The following NSMCE2 variants were observed in gnomAD, a reference collection of about 807,000 sequenced individuals.
NSMCE2 encodes the protein E3 SUMO-protein ligase NSE2.
In NSMCE2, 24 loss-of-function variants were observed where a neutral mutation model predicts 23.8. The ratio of observed to expected loss-of-function variants is 1.01; its 90% CI spans 0.73 to 1.42. The LOEUF (loss-of-function observed/expected upper bound fraction) is 1.42, where lower values mean the gene tolerates loss of function less well. NSMCE2 is among the 40% of genes most tolerant of loss of function. The pLI is 0.00. For synonymous variants in NSMCE2, 92 were observed against 94.1 expected (o/e 0.98, Z 0.13); for missense variants, 284 against 296.5 (o/e 0.96, Z 0.31).
At chr8:125,176,144 G>A (rs1374233121) in intron 4 of NSMCE2, among the ~76,000 whole-genome samples, 1 of 152,178 alleles carries the variant, frequency 6.6e-6, no homozygotes, top group Non-Finnish European at 1.5e-5. Context: ...TGGAATTTCT[G>A]GGGATTTGCG....
intron 5 of NSMCE2, among the ~76,000 whole-genome samples, chr8:125,217,879 T>C (rs1008167421): frequency 7.1e-6 from 1 of 140,100 alleles, no homozygotes; most frequent in Admixed American, 7.1e-5. Context: ...CATCTAAATA[T>C]GAAAAAAAAA....
chr8:125,294,300 A>G (rs1828237299), intron 5 of NSMCE2, among the ~76,000 whole-genome samples: 1 of 151,914 alleles, frequency 6.6e-6, no homozygotes, highest in Admixed American at 6.6e-5. Flanking sequence ...TTTTATTTCC[A>G]TTTCTCGTGG....
chr8:125,125,923 T>A (rs1412638676), intron 3 of NSMCE2, among the ~76,000 whole-genome samples: 1 of 152,188 alleles, frequency 6.6e-6, no homozygotes, highest in Non-Finnish European at 1.5e-5. Flanking sequence ...GCTGAGGAAC[T>A]TGGGGGCTAA....
chr8:125,109,935 C>A (rs970555623), intron 3 of NSMCE2, among the ~76,000 whole-genome samples: 1 of 151,742 alleles, frequency 6.6e-6, no homozygotes, highest in Non-Finnish European at 1.5e-5. Flanking sequence ...TTGAGATTAC[C>A]GAAGCTTATT....
At chr8:125,253,524 C>T (rs1392217199) in intron 5 of NSMCE2, among the ~76,000 whole-genome samples, 1 of 152,104 alleles carries the variant, frequency 6.6e-6, no homozygotes, top group Non-Finnish European at 1.5e-5. Context: ...CCATTTTCCA[C>T]TTTAACTGTG....
At chr8:125,228,145 C>G (rs1825178494) in intron 5 of NSMCE2, among the ~76,000 whole-genome samples, 1 of 151,960 alleles carries the variant, frequency 6.6e-6, no homozygotes, top group Non-Finnish European at 1.5e-5. Flanking sequence ...TTTCTTGTTA[C>G]TTTTATTTAT....
rs1813321411 is a variant in NSMCE2 at position 125,357,249 on chromosome 8, G to A, written c.449G>A (p.Gly150Glu). 1 of 1,613,614 alleles carries A rather than the reference G, an allele frequency of 6.2e-7. No individual in the cohort carries two copies. The highest frequency in any genetic ancestry group is 1.3e-5 in the African/African-American group (1 of 75,014). Residue 150 changes from glycine (G) to glutamate (E), a missense_variant, in exon 6 of 8, where the codon GGA becomes GAA. Gly to Glu is a moderately conservative substitution (Grantham distance 98). Coordinates refer to ENST00000287437, the MANE Select transcript of NSMCE2 (RefSeq NM_173685.4). ...CGLQADREAD[G>E]TEGVDEDIIV... ...CTTCAAGCTGACAGAGAAGCTGACG[G>A]AACAGAAGGAGTGGATGAAGATATA...
chr8:125,123,729 C>T (rs182170091), intron 3 of NSMCE2, among the ~76,000 whole-genome samples: 1 of 152,294 alleles, frequency 6.6e-6, no homozygotes, highest in Admixed American at 6.5e-5. Flanking sequence ...TTATAGGATG[C>T]AATTTTGCTG....
At chr8:125,279,244 A>G (rs1161759592) in intron 5 of NSMCE2, among the ~76,000 whole-genome samples, 3 of 152,212 alleles carry the variant, frequency 2.0e-5, no homozygotes, top group Non-Finnish European at 4.4e-5. Context: ...AGCAGTTAGC[A>G]CAGATGGAGC....
intron 5 of NSMCE2, among the ~76,000 whole-genome samples, chr8:125,278,888 G>GA: frequency 6.6e-6 from 1 of 152,060 alleles, no homozygotes; most frequent in African/African-American, 2.4e-5. Context: ...ATCTAGCCAG[G>GA]ATTCAACTCA....
At chr8:125,311,399 ATCT>A (rs1828968282) in intron 5 of NSMCE2, among the ~76,000 whole-genome samples, 2 of 152,248 alleles carry the variant, frequency 1.3e-5, no homozygotes, top group Non-Finnish European at 2.9e-5. Context: ...AAAGAAGGAA[ATCT>A]TATTTTTACC....
chr8:125,170,372 A>ATTTTTT (rs1822121929), intron 4 of NSMCE2, among the ~76,000 whole-genome samples: 1 of 24,620 alleles, frequency 4.1e-5, no homozygotes, highest in African/African-American at 1.2e-4. Context: ...CTTACTCTTT[A>ATTTTTT]TTTCTTTTTT....
intron 5 of NSMCE2, among the ~76,000 whole-genome samples, chr8:125,330,674 G>A (rs530149194): frequency 6.6e-6 from 1 of 152,192 alleles, no homozygotes; most frequent in South Asian, 2.1e-4. Context: ...CTTAAGCCTC[G>A]AATGTACGCT....
chr8:125,290,947 T>C (rs76046570), intron 5 of NSMCE2, among the ~76,000 whole-genome samples: 337 of 152,350 alleles, frequency 2.2e-3, no homozygotes, highest in African/African-American at 7.7e-3. Flanking sequence ...AATTCTCTAG[T>C]ACCTAGCAGT....
At chr8:125,340,254 T>C (rs1429267798) in intron 5 of NSMCE2, among the ~76,000 whole-genome samples, 2 of 152,134 alleles carry the variant, frequency 1.3e-5, no homozygotes, top group African/African-American at 4.8e-5. Flanking sequence ...TTTAACCATA[T>C]TTAGGGCTGC....
rs1827749914 is a variant in NSMCE2 at position 125,282,918 on chromosome 8, T to C, written c.419-74301T>C. ...TGGATGGAAACTATGAGAATCGTTC[T>C]GATGAGGGCATCTATGCTAATTGTA... On this transcript the variant is annotated intron_variant, in intron 5 of 7. Coordinates refer to ENST00000287437, the MANE Select transcript of NSMCE2 (RefSeq NM_173685.4). Among the ~76,000 whole-genome samples the C allele has an allele frequency of 2.0e-5, 3 of 152,388 alleles. No individual in the cohort carries two copies. The South Asian group carries it at 6.2e-4, about 32-fold the overall frequency.
chr8:125,138,824 C>T (rs571763671), intron 3 of NSMCE2, among the ~76,000 whole-genome samples: 2 of 152,258 alleles, frequency 1.3e-5, no homozygotes, highest in East Asian at 1.9e-4. Flanking sequence ...TTGAGACTTT[C>T]TGTTTGACCC....
At position 125,281,980 on chromosome 8, in the gene NSMCE2, C is replaced by T. The variant is rs145919110; in HGVS notation, c.419-75239C>T. Among the ~76,000 whole-genome samples, 649 of 152,166 alleles carry T rather than the reference C, an allele frequency of 4.3e-3. 9 individuals are homozygous for T. Among genetic ancestry groups the T allele is most frequent in the Admixed American group, 0.027 (413 of 15,278 alleles). On this transcript the variant is annotated intron_variant, in intron 5 of 7. Coordinates refer to ENST00000287437, the MANE Select transcript of NSMCE2 (RefSeq NM_173685.4). ...TTGCAAACTCTAACTCCTGCAGGGG[C>T]CAGGGAGGGAAGGAAATGGATAAAA...
chr8:125,260,583 C>T (rs187587302), intron 5 of NSMCE2, among the ~76,000 whole-genome samples: 12 of 148,446 alleles, frequency 8.1e-5, no homozygotes, highest in East Asian at 5.9e-4. Flanking sequence ...TCTAGGTGGC[C>T]GTCTTCTTTG....
Sources: gnomAD v4.1 joint callset for allele counts (sites outside exome capture counted in the v4.1 genomes callset) on GRCh38, gnomAD v4.1.1 for gene constraint, MANE v1.5 for transcripts, NCBI Gene and HGNC (gene_info 2026-07-23, HGNC 2026-07-21) for gene names.